The following UBR3 variants were observed in gnomAD, a reference collection of about 807,000 sequenced individuals.
UBR3 encodes E3 ubiquitin-protein ligase UBR3.
In UBR3, 85 loss-of-function variants were observed where a neutral mutation model predicts 243.2. The observed-to-expected ratio is 0.35, with a 90% CI of 0.29 to 0.42. UBR3 has a LOEUF of 0.42. Among genes scored for constraint, UBR3 ranks in the 10% least tolerant of loss-of-function variants. UBR3 has a pLI of 1.00. For missense variants in UBR3, 1,686 were observed against 2,300.8 expected (o/e 0.73, Z 5.47); for synonymous variants, 748 against 799.8 (o/e 0.94, Z 1.09).
At position 169,982,632 on chromosome 2, in the gene UBR3, C is replaced by G. The variant is rs143092626; in HGVS notation, c.3635-4013C>G. ...TTTTGGAAAATGATTTTTTTAATTC[C>G]TTAGACTAGAAAATATTCCAGACGG... On this transcript the variant is annotated intron_variant, in intron 24 of 38. Coordinates refer to ENST00000272793, the MANE Select transcript of UBR3 (RefSeq NM_172070.4). Among the ~76,000 whole-genome samples the G allele has an allele frequency of 1.6e-3, 239 of 151,730 alleles. 3 individuals carry two copies. The highest frequency in any genetic ancestry group is 5.3e-3 in the African/African-American group (220 of 41,376).
At chr2:170,069,796 C>T (rs1041717013) in intron 35 of UBR3, among the ~76,000 whole-genome samples, 7 of 151,962 alleles carry the variant, frequency 4.6e-5, no homozygotes, top group African/African-American at 7.2e-5. Context: ...AGTCATCCAT[C>T]GCTATCTGTA....
At chr2:169,950,147 C>G (rs1250295057) in intron 23 of UBR3, 82 bp downstream of exon 23, 5 of 1,282,798 alleles carry the variant, frequency 3.9e-6, no homozygotes, top group Non-Finnish European at 4.3e-6. Context: ...TGAGGATAAT[C>G]ACCTGGATGT....
At chr2:169,845,776 G>A (rs552657068) in intron 1 of UBR3, among the ~76,000 whole-genome samples, 15 of 151,938 alleles carry the variant, frequency 9.9e-5, no homozygotes, top group African/African-American at 3.4e-4. Context: ...TAGAGACAGG[G>A]TTTTGCCATG....
At chr2:169,998,125 C>T (rs908917310) in intron 26 of UBR3, among the ~76,000 whole-genome samples, 5 of 152,194 alleles carry the variant, frequency 3.3e-5, no homozygotes, top group Middle Eastern at 3.4e-3. Context: ...ATCAATAATC[C>T]TGGTTTTAAT....
At chr2:169,945,674 T>A (rs2086761922) in intron 20 of UBR3, among the ~76,000 whole-genome samples, 1 of 152,232 alleles carries the variant, frequency 6.6e-6, no homozygotes, top group Admixed American at 6.5e-5. Flanking sequence ...ATCTTCTGGT[T>A]AGTGGTCTGT....
rs115836077 is a variant in UBR3 at position 169,944,101 on chromosome 2, G to T, written c.2805+1467G>T. Among the ~76,000 whole-genome samples the T allele has an allele frequency of 7.8e-3, 1,191 of 152,180 alleles. 13 individuals carry two copies. Among genetic ancestry groups the T allele is most frequent in the African/African-American group, 0.026 (1,071 of 41,542 alleles). On this transcript the variant is annotated intron_variant, in intron 20 of 38. Transcript: ENST00000272793. ...ATTAAAAAATGTAGAATATCTTTTT[G>T]TACTGAAAAGATATTTGTATTTGTT...
chr2:169,947,785 T>C (rs1456671931), intron 22 of UBR3, 70 bp downstream of exon 22: 16 of 1,268,662 alleles, frequency 1.3e-5, no homozygotes, highest in Non-Finnish European at 1.5e-5. Context: ...GGATATACTG[T>C]TCCTATAATA....
At chr2:170,003,344 A>G (rs1228718287) in intron 27 of UBR3, among the ~76,000 whole-genome samples, 2 of 152,210 alleles carry the variant, frequency 1.3e-5, no homozygotes, top group Non-Finnish European at 2.9e-5. Context: ...AATGGCATTC[A>G]GGTACTCCAG....
At chr2:169,836,059 A>ATTT (rs1558998942) in intron 1 of UBR3, among the ~76,000 whole-genome samples, 6 of 40,932 alleles carry the variant, frequency 1.5e-4, no homozygotes, top group Non-Finnish European at 2.1e-4. Context: ...ATATATATAT[A>ATTT]TATATATATT....
chr2:170,025,276 C>T (rs2105419133), intron 30 of UBR3, among the ~76,000 whole-genome samples: 1 of 151,970 alleles, frequency 6.6e-6, no homozygotes, highest in East Asian at 1.9e-4. Flanking sequence ...GTAAGAGATG[C>T]TAAAATTGAA....
intron 30 of UBR3, among the ~76,000 whole-genome samples, chr2:170,028,136 G>A (rs996870978): frequency 9.9e-5 from 15 of 151,996 alleles, no homozygotes; most frequent in African/African-American, 3.6e-4. Flanking sequence ...TCGTTATAGA[G>A]AGATCAGATT....
At chr2:169,888,108 A>ACTTT (rs1553503840) in intron 5 of UBR3, among the ~76,000 whole-genome samples, 1 of 121,002 alleles carries the variant, frequency 8.3e-6, no homozygotes, top group African/African-American at 3.2e-5. Flanking sequence ...CTGTGTTATG[A>ACTTT]CTTTATTTAT....
intron 24 of UBR3, among the ~76,000 whole-genome samples, chr2:169,980,450 TTA>T (rs1289632980): frequency 2.0e-5 from 3 of 151,864 alleles, no homozygotes; most frequent in African/African-American, 7.3e-5. Context: ...GAATGGGGAG[TTA>T]TATTCCACCT....
At chr2:170,078,375 C>T (rs753697342) in intron 36 of UBR3, 17 of 236,258 alleles carry the variant, frequency 7.2e-5, no homozygotes, top group Non-Finnish European at 1.2e-4. Flanking sequence ...CCACACAGGC[C>T]GCAACAGGAA....
intron 11 of UBR3, among the ~76,000 whole-genome samples, chr2:169,922,566 A>G (rs904914862): frequency 3.9e-5 from 6 of 152,156 alleles, no homozygotes; most frequent in Non-Finnish European, 7.3e-5. Context: ...TTTATCTCAT[A>G]AAATTGAAAC....
At chr2:169,993,858 A>T (rs2089384999) in intron 25 of UBR3, among the ~76,000 whole-genome samples, 1 of 152,190 alleles carries the variant, frequency 6.6e-6, no homozygotes, top group Non-Finnish European at 1.5e-5. Context: ...CCAGGTCTTT[A>T]TAAATCTGCT....
At chr2:170,017,572 C>G (rs2090282462) in intron 30 of UBR3, among the ~76,000 whole-genome samples, 1 of 141,528 alleles carries the variant, frequency 7.1e-6, no homozygotes, top group Admixed American at 6.9e-5. Flanking sequence ...CACACACACA[C>G]ACACACACAC....
intron 10 of UBR3, among the ~76,000 whole-genome samples, chr2:169,910,257 A>G (rs528830382): frequency 6.6e-6 from 1 of 152,280 alleles, no homozygotes; most frequent in African/African-American, 2.4e-5. Context: ...ACCCCGAAGA[A>G]AGAACTGACA....
intron 35 of UBR3, among the ~76,000 whole-genome samples, chr2:170,067,797 T>G (rs2091609686): frequency 6.8e-6 from 1 of 147,246 alleles, no homozygotes; most frequent in Non-Finnish European, 1.5e-5. Context: ...TTTGAGACAG[T>G]TTCCCTCTGT....
Sources: allele counts gnomAD v4.1 joint callset (sites outside exome capture counted in the v4.1 genomes callset), GRCh38; gene constraint gnomAD v4.1.1; transcripts MANE v1.5; gene names NCBI Gene and HGNC (gene_info 2026-07-23, HGNC 2026-07-21).